Variants in LARGE1 observed in about 807,000 individuals in gnomAD.
The protein encoded by LARGE1 is xylosyl- and glucuronyltransferase LARGE1.
LARGE1 carries 43 observed loss-of-function variants against 87.6 expected under a neutral mutation model. The ratio of observed to expected loss-of-function variants is 0.49; its 90% CI spans 0.38 to 0.63. The LOEUF is 0.63. Among genes scored for constraint, LARGE1 ranks in the 30% least tolerant of loss-of-function variants. The pLI is 0.00. For missense variants in LARGE1, 802 were observed against 1,000.2 expected (o/e 0.80, Z 2.67); for synonymous variants, 434 against 394.6 (o/e 1.10, Z -1.18).
At chr22:33,111,944 G>A in the LARGE1 span, among the ~76,000 whole-genome samples, 1 of 152,072 alleles carries the variant, frequency 6.6e-6, no homozygotes, top group Non-Finnish European at 1.5e-5. Context: ...GAAGGCCTGG[G>A]GACAAATAAA....
intron 10 of LARGE1, among the ~76,000 whole-genome samples, chr22:33,317,700 C>A (rs9609759): frequency 1.3e-5 from 2 of 151,948 alleles, no homozygotes; most frequent in Non-Finnish European, 2.9e-5. Context: ...CTCATGTGAA[C>A]CCCTACCAGG....
intron 1 of LARGE1, among the ~76,000 whole-genome samples, chr22:33,874,890 A>C (rs1358201308): frequency 6.6e-6 from 1 of 152,228 alleles, no homozygotes; most frequent in Non-Finnish European, 1.5e-5. Context: ...TACATGGATT[A>C]ATAATTCACA....
chr22:33,396,632 T>C (rs1031291675), intron 7 of LARGE1, among the ~76,000 whole-genome samples: 1 of 152,104 alleles, frequency 6.6e-6, no homozygotes, highest in Non-Finnish European at 1.5e-5. Flanking sequence ...TCAATAAATA[T>C]ATATTTTAGC....
intron 11 of LARGE1, among the ~76,000 whole-genome samples, chr22:33,311,947 T>C (rs1032116842): frequency 1.3e-5 from 2 of 152,164 alleles, no homozygotes; most frequent in Non-Finnish European, 2.9e-5. Flanking sequence ...TTGAATGAGT[T>C]GGTGGGATTT....
intron 1 of LARGE1, among the ~76,000 whole-genome samples, chr22:33,908,085 C>T (rs1540292): frequency 0.29 from 44,043 of 152,008 alleles, 7,568 homozygotes; most frequent in African/African-American, 0.48. Context: ...TCAACCCATC[C>T]ACCACTGCAG....
chr22:33,291,122 G>A (rs1932473170), intron 12 of LARGE1, among the ~76,000 whole-genome samples: 3 of 152,132 alleles, frequency 2.0e-5, no homozygotes, highest in Non-Finnish European at 2.9e-5. Flanking sequence ...TGCTAATCAG[G>A]AAAAGGATCC....
intron 11 of LARGE1, among the ~76,000 whole-genome samples, chr22:33,237,234 CG>C (rs1926297279): frequency 6.6e-6 from 1 of 152,014 alleles, no homozygotes; most frequent in Non-Finnish European, 1.5e-5. Flanking sequence ...ATGACTTTGC[CG>C]TGCATAAGTG....
chr22:33,837,076 A>T (rs1169247816), intron 1 of LARGE1, among the ~76,000 whole-genome samples: 1 of 152,154 alleles, frequency 6.6e-6, no homozygotes, highest in African/African-American at 2.4e-5. Flanking sequence ...CTTCGCCTCC[A>T]GCTAACTCTA....
chr22:33,203,276 T>G (rs1924504368), intron 11 of LARGE1, among the ~76,000 whole-genome samples: 1 of 152,150 alleles, frequency 6.6e-6, no homozygotes, highest in African/African-American at 2.4e-5. Context: ...GCTCATCTGC[T>G]TTCCCACTCC....
In LARGE1 at chr22:33,189,034, T is replaced by A. The variant is rs535239384; in HGVS notation, c.1731-22202A>T. On this transcript the variant is annotated intron_variant, in intron 11 of 11. Coordinates refer to the LARGE1 transcript ENST00000608642. The stretch of plus-strand genomic sequence containing the variant: ...CAGGGTTGGGTGCCCAGTAAAGTTA[T>A]GATCCCTGGGCAGAGCCAGAAAGAC... Among the ~76,000 whole-genome samples the A allele has an allele frequency of 2.6e-5, 4 of 151,800 alleles. No homozygotes were observed. The South Asian group carries it at 8.3e-4, about 32-fold the overall frequency.
At chr22:33,585,784 T>C (rs1311013988) in intron 5 of LARGE1, among the ~76,000 whole-genome samples, 1 of 152,196 alleles carries the variant, frequency 6.6e-6, no homozygotes, top group Non-Finnish European at 1.5e-5. Context: ...GAGGAATCAC[T>C]GTAGCTGCAC....
intron 2 of LARGE1, among the ~76,000 whole-genome samples, chr22:33,685,199 A>G (rs1217838083): frequency 1.3e-5 from 2 of 152,232 alleles, no homozygotes; most frequent in Non-Finnish European, 2.9e-5. Context: ...GTGACCTGGA[A>G]ACCCTGGGCA....
chr22:33,515,611 G>A (rs1018773987), intron 6 of LARGE1, among the ~76,000 whole-genome samples: 7 of 152,132 alleles, frequency 4.6e-5, no homozygotes, highest in African/African-American at 1.2e-4. Flanking sequence ...CACATTCAAC[G>A]AGAAAACAGC....
intron 11 of LARGE1, among the ~76,000 whole-genome samples, chr22:33,226,739 T>A (rs534992934): frequency 8.8e-4 from 120 of 136,634 alleles, no homozygotes; most frequent in South Asian, 3.4e-3. Flanking sequence ...TATTATTATT[T>A]TTTTTTTTGA....
In LARGE1 at chr22:33,564,918, G is replaced by A. The variant is rs761927446; in HGVS notation, c.717C>T (p.Ile239=). ...KTLPANLERV[I]VLDTDITFAT... ...CAAAGGTGATATCCGTGTCAAGGAC[G>A]ATGACTCTCTCCAGGTTGGCAGGAA... Residue 239 remains isoleucine, a synonymous_variant, in exon 6 of 15, where the codon ATC becomes ATT. Transcript: ENST00000397394. 1.4e-5 allele frequency: 22 copies of A among 1,614,056 alleles called. No individual in the cohort carries two copies. The highest frequency in any genetic ancestry group is 1.6e-5 in the Non-Finnish European group (19 of 1,180,018).
chr22:33,206,824 A>G (rs1422916397), intron 11 of LARGE1, among the ~76,000 whole-genome samples: 1 of 152,222 alleles, frequency 6.6e-6, no homozygotes, highest in Non-Finnish European at 1.5e-5. Flanking sequence ...TTTTTCTTCT[A>G]TCAGTCTTCA....
the LARGE1 span, among the ~76,000 whole-genome samples, chr22:33,142,182 T>A: frequency 2.6e-5 from 4 of 152,256 alleles, no homozygotes; most frequent in Non-Finnish European, 5.9e-5. Flanking sequence ...TGTCTGCCTT[T>A]ACTTTCTGTG....
At chr22:33,763,438 T>C (rs913369519) in intron 1 of LARGE1, among the ~76,000 whole-genome samples, 2 of 152,078 alleles carry the variant, frequency 1.3e-5, no homozygotes, top group African/African-American at 2.4e-5. Context: ...GAACAGAGAA[T>C]GTTGACTTGA....
At chr22:33,600,023 G>A (rs1279432979) in intron 5 of LARGE1, among the ~76,000 whole-genome samples, 1 of 152,172 alleles carries the variant, frequency 6.6e-6, no homozygotes, top group Non-Finnish European at 1.5e-5. Flanking sequence ...CGACTTCAGG[G>A]TGGCTGGTGG....
Sources: gnomAD v4.1 joint callset for allele counts (sites outside exome capture counted in the v4.1 genomes callset) on GRCh38, gnomAD v4.1.1 for gene constraint, MANE v1.5 for transcripts, NCBI Gene and HGNC (gene_info 2026-07-23, HGNC 2026-07-21) for gene names.